Variants in OSBPL8 observed in about 807,000 individuals in gnomAD.
OSBPL8 encodes the protein oxysterol binding protein like 8.
Under a neutral mutation model 125.5 loss-of-function variants are expected in OSBPL8, and 59 were observed. That is an observed-to-expected ratio of 0.47 (90% CI 0.38 to 0.58). OSBPL8 has a LOEUF of 0.58. OSBPL8 is among the 20% of genes least tolerant of loss of function. OSBPL8 has a pLI of 0.00. For synonymous variants in OSBPL8, 330 were observed against 338.9 expected (o/e 0.97, Z 0.29); for missense variants, 758 against 1,047.8 (o/e 0.72, Z 3.82).
intron 8 of OSBPL8, among the ~76,000 whole-genome samples, chr12:76,396,598 A>T (rs910443565): frequency 9.9e-5 from 15 of 152,048 alleles, no homozygotes; most frequent in Non-Finnish European, 1.5e-4. Context: ...AAAAATGTTT[A>T]AAAAAATTAG....
intron 1 of OSBPL8, among the ~76,000 whole-genome samples, chr12:76,529,339 C>T (rs1950269932): frequency 6.6e-6 from 1 of 152,058 alleles, no homozygotes; most frequent in Admixed American, 6.5e-5. Context: ...TTACTATCCC[C>T]TTCCAAAAAC....
intron 1 of OSBPL8, among the ~76,000 whole-genome samples, chr12:76,508,796 C>T (rs896956589): frequency 7.2e-5 from 11 of 152,172 alleles, no homozygotes; most frequent in South Asian, 2.1e-4. Flanking sequence ...GCAAGTTACC[C>T]TATATGGTCC....
At chr12:76,453,625 T>G (rs1873678871) in intron 3 of OSBPL8, among the ~76,000 whole-genome samples, 2 of 152,088 alleles carry the variant, frequency 1.3e-5, no homozygotes, top group South Asian at 4.1e-4. Context: ...CTGGAAAATC[T>G]TTAGAATAAG....
rs1435998763 is a variant in OSBPL8 at position 76,351,952 on chromosome 12, A to T, written c.*3937T>A. On this transcript the variant is annotated 3_prime_UTR_variant, in exon 24 of 24. Coordinates refer to ENST00000261183, the MANE Select transcript of OSBPL8 (RefSeq NM_020841.5). Reference sequence around the variant, plus strand: ...CTACATTACAAAACAGTGGCCTATAACTATCTGTACATTTACTGTGCACCT... The same window carrying T: ...CTACATTACAAAACAGTGGCCTATATCTATCTGTACATTTACTGTGCACCT... 1 of 152,216 alleles carries T rather than the reference A, an allele frequency of 6.6e-6. No individual in the cohort carries two copies. The allele number at this position is 152,216 out of a possible 1,614,324, so 9.4% of individuals were successfully genotyped here.
chr12:76,429,628 T>C (rs1034459942), intron 4 of OSBPL8, among the ~76,000 whole-genome samples: 14 of 152,166 alleles, frequency 9.2e-5, no homozygotes, highest in African/African-American at 3.4e-4. Flanking sequence ...TTTTATAATT[T>C]TCATGAGTGT....
intron 4 of OSBPL8, among the ~76,000 whole-genome samples, chr12:76,442,466 C>T (rs958023958): frequency 2.0e-5 from 3 of 152,080 alleles, no homozygotes; most frequent in African/African-American, 7.2e-5. Context: ...TTAAACATAA[C>T]TTGAAATCTA....
At chr12:76,364,861 T>C (rs1952356089) in intron 21 of OSBPL8, among the ~76,000 whole-genome samples, 2 of 152,176 alleles carry the variant, frequency 1.3e-5, no homozygotes, top group South Asian at 4.1e-4. Context: ...CCCTTGCAAT[T>C]CCATGTGAAT....
At chr12:76,414,695 C>T (rs1868407812) in intron 4 of OSBPL8, among the ~76,000 whole-genome samples, 1 of 151,846 alleles carries the variant, frequency 6.6e-6, no homozygotes, top group South Asian at 2.1e-4. Flanking sequence ...TCAAGCAATC[C>T]TCCCACCTCA....
Position 76,384,353 on chromosome 12 carries a change from A to C in OSBPL8, c.1534-3T>G, listed in dbSNP as rs1953202232. 6.8e-7 allele frequency: 1 copy of C among 1,460,628 alleles called. No individual in the cohort carries two copies. The highest frequency in any genetic ancestry group is 9.3e-7 in the Non-Finnish European group (1 of 1,073,566). 90.5% of individuals were successfully genotyped at this position (1,460,628 alleles called of 1,614,324 possible). A position where few individuals can be genotyped will look rare whatever the true frequency, so the allele number is the denominator to read the frequency against. On this transcript the variant is annotated splice_region_variant and splice_polypyrimidine_tract_variant and intron_variant, in intron 14 of 23. Transcript: ENST00000261183. ...GATATTGGTGGATGATGGGACACCT[A>C]TTAAACATAAGAAAAACATGCATAT...
At chr12:76,480,499 T>C (rs1340572013) in intron 2 of OSBPL8, among the ~76,000 whole-genome samples, 1 of 152,222 alleles carries the variant, frequency 6.6e-6, no homozygotes. Context: ...CTATTAACAA[T>C]CTTGTATGTA....
At chr12:76,430,623 G>C (rs934807843) in intron 4 of OSBPL8, among the ~76,000 whole-genome samples, 6 of 152,128 alleles carry the variant, frequency 3.9e-5, no homozygotes, top group Admixed American at 1.3e-4. Flanking sequence ...AGCTACAAGA[G>C]AATACAGATA....
intron 1 of OSBPL8, among the ~76,000 whole-genome samples, chr12:76,540,364 G>A (rs141512950): frequency 3.3e-5 from 5 of 152,176 alleles, no homozygotes; most frequent in African/African-American, 7.2e-5. Flanking sequence ...TAAAATACAC[G>A]CAATCAATGG....
intron 2 of OSBPL8, among the ~76,000 whole-genome samples, chr12:76,465,951 A>T (rs1875373623): frequency 6.6e-6 from 1 of 152,018 alleles, no homozygotes; most frequent in Non-Finnish European, 1.5e-5. Context: ...GGTTGCAGTA[A>T]GCCGAGATCA....
chr12:76,423,142 A>G (rs1454146324), intron 4 of OSBPL8: 1 of 152,374 alleles, frequency 6.6e-6, no homozygotes, highest in Non-Finnish European at 1.5e-5. Flanking sequence ...ATGGATATAA[A>G]CATAATGCTT....
intron 1 of OSBPL8, among the ~76,000 whole-genome samples, chr12:76,524,194 A>C (rs959179087): frequency 6.6e-6 from 1 of 152,192 alleles, no homozygotes; most frequent in East Asian, 1.9e-4. Flanking sequence ...ATATAGGAAT[A>C]AAAATGTCCA....
intron 1 of OSBPL8, among the ~76,000 whole-genome samples, chr12:76,548,406 TA>T (rs1950842404): frequency 1.3e-5 from 2 of 152,018 alleles, no homozygotes; most frequent in Non-Finnish European, 2.9e-5. Flanking sequence ...AGGGTGGAAA[TA>T]AATAGTAGGG....
At chr12:76,371,414 C>T in intron 19 of OSBPL8, 34 bp downstream of exon 19, 1 of 1,547,288 alleles carries the variant, frequency 6.5e-7, no homozygotes, top group Non-Finnish European at 8.7e-7. Flanking sequence ...ACTCTCTGAT[C>T]CTCATGAAGT....
chr12:76,365,875 T>G (rs1476900825), intron 21 of OSBPL8, among the ~76,000 whole-genome samples: 1 of 152,208 alleles, frequency 6.6e-6, no homozygotes, highest in Non-Finnish European at 1.5e-5. Context: ...TCCCCCCTCT[T>G]AATGTGATAT....
chr12:76,408,131 G>A (rs1392367987), intron 5 of OSBPL8, among the ~76,000 whole-genome samples: 3 of 134,782 alleles, frequency 2.2e-5, no homozygotes, highest in Non-Finnish European at 4.7e-5. Context: ...ATATAGTGAG[G>A]CCCTCATCTC....
Sources: gnomAD v4.1 joint callset for allele counts (sites outside exome capture counted in the v4.1 genomes callset) on GRCh38, gnomAD v4.1.1 for gene constraint, MANE v1.5 for transcripts, NCBI Gene and HGNC (gene_info 2026-07-23, HGNC 2026-07-21) for gene names.